Variants in ARL2 observed in about 807,000 individuals in gnomAD.
The protein encoded by ARL2 is ADP-ribosylation factor-like protein 2.
In ARL2, 11 loss-of-function variants were observed where a neutral mutation model predicts 22.0. That is an observed-to-expected ratio of 0.50 (90% confidence interval 0.31 to 0.83). The LOEUF is 0.83. ARL2 is among the 40% of genes least tolerant of loss of function. The pLI is 0.04. For synonymous variants in ARL2, 111 were observed against 100.8 expected (o/e 1.10, Z -0.61); for missense variants, 216 against 243.2 (o/e 0.89, Z 0.74).
chr11:65,016,334 G>A lies in ARL2; in HGVS notation c.66-2030G>A, dbSNP rs111959593. Among the ~76,000 whole-genome samples the A allele has an allele frequency of 2.9e-3, 442 of 152,040 alleles. 4 individuals are homozygous for A. Among genetic ancestry groups the A allele is most frequent in the African/African-American group, 0.01 (422 of 41,452 alleles). ...AGAGGCCCTGGGAGGACTAACTGGCGTGTTCAGAGGACTGGTGAGGAGGGC... is the reference window on the plus strand; with the variant it reads ...AGAGGCCCTGGGAGGACTAACTGGCATGTTCAGAGGACTGGTGAGGAGGGC... On this transcript the variant is annotated intron_variant, in intron 1 of 4. Coordinates refer to ENST00000246747, the MANE Select transcript of ARL2 (RefSeq NM_001667.4).
Position 65,018,946 on chromosome 11 carries a change from C to T in ARL2, c.339+213C>T, listed in dbSNP as rs937995615. The T allele has an allele frequency of 6.6e-7, 1 of 1,518,138 alleles. No individual in the cohort carries two copies. Among genetic ancestry groups the T allele is most frequent in the African/African-American group, 1.4e-5 (1 of 72,662 alleles). The allele number at this position is 1,518,138 out of a possible 1,614,324, so 94.0% of individuals were successfully genotyped here. A position where few individuals can be genotyped will look rare whatever the true frequency, so the allele number is the denominator to read the frequency against. ...CCCTGTGGTGTTACTACGTCACTACCCTGAGCATCAGTTTCTATGCCTTGA... is the reference window on the plus strand; with the variant it reads ...CCCTGTGGTGTTACTACGTCACTACTCTGAGCATCAGTTTCTATGCCTTGA... On this transcript the variant is annotated intron_variant, in intron 3 of 4. Coordinates refer to ENST00000246747, the MANE Select transcript of ARL2 (RefSeq NM_001667.4). The surrounding 1 kb of genome is among the most constrained non-coding windows in gnomAD (Gnocchi z 4.2).
chr11:65,016,898 A>C (rs976869707), intron 1 of ARL2, among the ~76,000 whole-genome samples: 2 of 152,058 alleles, frequency 1.3e-5, no homozygotes, highest in African/African-American at 2.4e-5. Context: ...TCCCAGTGCC[A>C]AGGGCAGCGC....
rs1449321776 is a variant in ARL2, at chr11:65,021,858, C to T, written c.*3C>T. 1 of 1,611,504 alleles carries T rather than the reference C, an allele frequency of 6.2e-7. No homozygotes were observed. On this transcript the variant is annotated 3_prime_UTR_variant, in exon 5 of 5. Coordinates refer to ENST00000246747, the MANE Select transcript of ARL2 (RefSeq NM_001667.4). ...GCCGCATTTTCACAGCTGACTGAAC[C>T]ACTCCAGATGCCCCCCACCTAGCAG... is the stretch of plus-strand genomic sequence containing the variant.
chr11:65,016,546 T>C, intron 1 of ARL2, among the ~76,000 whole-genome samples: 1 of 151,872 alleles, frequency 6.6e-6, no homozygotes, highest in Non-Finnish European at 1.5e-5. Context: ...AGTGAGGTCA[T>C]GGAAGTTTCT....
chr11:65,016,569 T>C (rs1946259403), intron 1 of ARL2, among the ~76,000 whole-genome samples: 1 of 151,610 alleles, frequency 6.6e-6, no homozygotes, highest in Non-Finnish European at 1.5e-5. Context: ...CCTGAGCAAT[T>C]AGAAGGGTGA....
At chr11:65,021,522 A>G (rs1273940556) in intron 4 of ARL2, 199 bp from the exon 5 acceptor site, 2 of 561,454 alleles carry the variant, frequency 3.6e-6, no homozygotes, top group African/African-American at 1.9e-5. Flanking sequence ...CAGCACTGGC[A>G]TGGAACTGGA....
chr11:65,016,205 T>TAA (rs55936282), intron 1 of ARL2, among the ~76,000 whole-genome samples: 1,380 of 124,856 alleles, frequency 0.011, 25 homozygotes, highest in African/African-American at 0.036. Flanking sequence ...GAAACTCTGT[T>TAA]AAAAAAAAAA....
In ARL2 at chr11:65,018,042, G is replaced by A. The variant is rs565760478; in HGVS notation, c.66-322G>A. Among the ~76,000 whole-genome samples, 46 of 152,140 alleles carry A rather than the reference G, an allele frequency of 3.0e-4. 1 individual carries two copies. In the South Asian group the frequency reaches 9.3e-3, roughly 31 times the overall value. ...GATGGCGCTAGCCGGGATCTGGCAG[G>A]GCCTTCTTTTCTCATTTGTTTGTAC... On this transcript the variant is annotated intron_variant, in intron 1 of 4. Transcript: ENST00000246747. This position sits in a 1 kb window ranked among gnomAD's most constrained non-coding sequence, Gnocchi z 4.2.
At chr11:65,014,362 G>A (rs1197352054) in intron 1 of ARL2, 90 bp downstream of exon 1, 6 of 1,167,684 alleles carry the variant, frequency 5.1e-6, no homozygotes, top group Non-Finnish European at 7.0e-6. Flanking sequence ...GGAACGCGGC[G>A]GCCGGCGCGT....
Position 65,022,143 on chromosome 11 carries a change from C to T in ARL2, c.*288C>T, listed in dbSNP as rs182274655. ...CTGCTGCTACCGAGGCTGTGGGCCT[C>T]ATCCTTCACTCAGTTGTGAAATAAA... On this transcript the variant is annotated 3_prime_UTR_variant, in exon 5 of 5. Coordinates refer to ENST00000246747, the MANE Select transcript of ARL2 (RefSeq NM_001667.4). 1.1e-5 allele frequency: 5 copies of T among 451,760 alleles called. No individual in the cohort carries two copies. The highest frequency in any genetic ancestry group is 9.7e-5 in the African/African-American group (5 of 51,346). 28.0% of individuals were successfully genotyped at this position (451,760 alleles called of 1,614,324 possible).
At chr11:65,016,604 G>A (rs767907208) in intron 1 of ARL2, among the ~76,000 whole-genome samples, 2 of 152,068 alleles carry the variant, frequency 1.3e-5, no homozygotes, top group Non-Finnish European at 2.9e-5. Flanking sequence ...AGATGGAGAG[G>A]ACTGGGGGAG....
At chr11:65,016,270 G>C (rs897273972) in intron 1 of ARL2, among the ~76,000 whole-genome samples, 6 of 123,344 alleles carry the variant, frequency 4.9e-5, no homozygotes, top group East Asian at 2.3e-4. Flanking sequence ...TAGCAATTCG[G>C]GGGGGGGGGA....
chr11:65,016,496 G>A (rs908639470), intron 1 of ARL2, among the ~76,000 whole-genome samples: 3 of 152,104 alleles, frequency 2.0e-5, no homozygotes, highest in African/African-American at 4.8e-5. Flanking sequence ...CTGCAGTGAC[G>A]CAGGCGAGAT....
intron 4 of ARL2, 117 bp downstream of exon 4, chr11:65,020,616 AC>A: frequency 9.3e-7 from 1 of 1,071,886 alleles, no homozygotes; most frequent in Non-Finnish European, 1.3e-6. Context: ...CGCCTGTAAT[AC>A]CAGCACTTTG....
At chr11:65,015,562 T>C (rs1336748622) in intron 1 of ARL2, among the ~76,000 whole-genome samples, 3 of 151,162 alleles carry the variant, frequency 2.0e-5, no homozygotes, top group East Asian at 3.9e-4. Context: ...CTGTAATGCG[T>C]GTGTGTGTGT....
At position 65,018,598 on chromosome 11, in the gene ARL2, TG is replaced by T. The variant is rs1214897234; in HGVS notation, c.206del (p.Gly69AlafsTer22). 1 of 1,612,336 alleles carries T rather than the reference TG, an allele frequency of 6.2e-7. No individual in the cohort carries two copies. The highest frequency in any genetic ancestry group is 8.5e-7 in the Non-Finnish European group (1 of 1,179,202). ...TCAAGCTGAACATCTGGGATGTGGG[TG>T]GCCAGAAGTCCCTGCGGTCCTACTG... ...GFKLNIWDVG[G>X]QKSLRSYWRN... On this transcript the variant is annotated frameshift_variant, in exon 3 of 5. Coordinates refer to ENST00000246747, the MANE Select transcript of ARL2 (RefSeq NM_001667.4). LOFTEE classifies it high-confidence loss of function. This position sits in a 1 kb window ranked among gnomAD's most constrained non-coding sequence, Gnocchi z 4.2.
intron 1 of ARL2, 57 bp downstream of exon 1, chr11:65,014,329 G>A: frequency 6.9e-7 from 1 of 1,451,490 alleles, no homozygotes; most frequent in East Asian, 2.9e-5. Context: ...GGCAGGCGGT[G>A]CCGGGCGCCC....
chr11:65,015,558 T>C (rs923882842), intron 1 of ARL2, among the ~76,000 whole-genome samples: 4 of 151,428 alleles, frequency 2.6e-5, no homozygotes, highest in Non-Finnish European at 5.9e-5. Flanking sequence ...AATTCTGTAA[T>C]GCGTGTGTGT....
Position 65,014,168 on chromosome 11 carries a change from A to T in ARL2, c.-40A>T. On this transcript the variant is annotated 5_prime_UTR_variant, in exon 1 of 5. Transcript: ENST00000246747. Reference sequence around the variant, plus strand: ...CAGGAACCGGGAGCGGGGTCCCGGGACTGGGAAGAAACGGCGGCCGGGAGG... The same window carrying T: ...CAGGAACCGGGAGCGGGGTCCCGGGTCTGGGAAGAAACGGCGGCCGGGAGG... The T allele has an allele frequency of 6.7e-7, 1 of 1,492,220 alleles. No homozygotes were observed. The highest frequency in any genetic ancestry group is 1.7e-4 in the Middle Eastern group (1 of 5,758). The allele number at this position is 1,492,220 out of a possible 1,614,324, so 92.4% of individuals were successfully genotyped here.
Sources: allele counts gnomAD v4.1 joint callset (sites outside exome capture counted in the v4.1 genomes callset), GRCh38; gene constraint gnomAD v4.1.1; non-coding constraint Gnocchi (gnomAD v3.1); transcripts MANE v1.5; gene names NCBI Gene and HGNC (gene_info 2026-07-23, HGNC 2026-07-21).